The following NFIA variants were observed in gnomAD, a reference collection of about 807,000 sequenced individuals.
The protein encoded by NFIA is nuclear factor 1 A-type.
Under a neutral mutation model 62.8 loss-of-function variants are expected in NFIA, and 8 were observed. That is an observed-to-expected ratio of 0.13 (90% CI 0.07 to 0.23). NFIA has a LOEUF of 0.23. Among genes scored for constraint, NFIA ranks in the 10% least tolerant of loss-of-function variants. NFIA has a pLI of 1.00. For synonymous variants in NFIA, 235 were observed against 238.1 expected, an observed-to-expected ratio of 0.99 and a Z score of 0.12; for missense variants, 410 against 642.1, an observed-to-expected ratio of 0.64 and a Z score of 3.91.
intron 7 of NFIA, among the ~76,000 whole-genome samples, chr1:61,399,147 G>T (rs1484038176): frequency 6.6e-6 from 1 of 152,136 alleles, no homozygotes; most frequent in Non-Finnish European, 1.5e-5. Context: ...AGACAGATAA[G>T]AAGGTTTTTC....
At chr1:61,117,527 C>A (rs961001471) in intron 2 of NFIA, among the ~76,000 whole-genome samples, 2 of 151,598 alleles carry the variant, frequency 1.3e-5, no homozygotes, top group African/African-American at 2.4e-5. Context: ...AATGTAGATT[C>A]CTGGATAGGC....
chr1:61,312,330 G>C (rs1660161610), intron 3 of NFIA, among the ~76,000 whole-genome samples: 1 of 152,152 alleles, frequency 6.6e-6, no homozygotes, highest in African/African-American at 2.4e-5. Flanking sequence ...TGCCCAAGGG[G>C]CCCTCAGGTA....
At chr1:61,375,198 G>C (rs1367015497) in intron 6 of NFIA, among the ~76,000 whole-genome samples, 4 of 152,212 alleles carry the variant, frequency 2.6e-5, no homozygotes, top group African/African-American at 9.6e-5. Context: ...GTATAGCTCT[G>C]CATCTGGAAG....
At chr1:61,330,329 A>G (rs763324249) in intron 3 of NFIA, among the ~76,000 whole-genome samples, 10 of 152,202 alleles carry the variant, frequency 6.6e-5, no homozygotes, top group Non-Finnish European at 1.2e-4. Flanking sequence ...TCAGGCATTA[A>G]GTATACAGTG....
intron 10 of NFIA, among the ~76,000 whole-genome samples, chr1:61,437,942 G>A (rs543854529): frequency 3.5e-4 from 53 of 152,294 alleles, no homozygotes; most frequent in Non-Finnish European, 5.0e-4. Context: ...TCCAAGGGTA[G>A]TAAAGCACTT....
intron 10 of NFIA, among the ~76,000 whole-genome samples, chr1:61,445,382 T>C (rs1359455821): frequency 6.6e-6 from 1 of 152,224 alleles, no homozygotes; most frequent in Non-Finnish European, 1.5e-5. Context: ...TCTAATTGTT[T>C]GTAGCAACGA....
chr1:61,197,665 G>T (rs1446106645), intron 2 of NFIA, among the ~76,000 whole-genome samples: 1 of 152,068 alleles, frequency 6.6e-6, no homozygotes, highest in Admixed American at 6.6e-5. Context: ...TCAAGTTACT[G>T]TGAGTCAAGG....
intron 3 of NFIA, among the ~76,000 whole-genome samples, chr1:61,330,079 T>C (rs1388871189): frequency 6.6e-6 from 1 of 152,178 alleles, no homozygotes; most frequent in African/African-American, 2.4e-5. Context: ...CATTGAAATA[T>C]GGAATTCAAA....
chr1:61,362,345 T>C (rs1663342490), intron 6 of NFIA, among the ~76,000 whole-genome samples: 1 of 152,148 alleles, frequency 6.6e-6, no homozygotes. Flanking sequence ...GTTGCCTACA[T>C]TTGGGATAAT....
chr1:61,134,162 G>A (rs1367030542), intron 2 of NFIA, among the ~76,000 whole-genome samples: 3 of 151,856 alleles, frequency 2.0e-5, no homozygotes, highest in South Asian at 2.1e-4. Flanking sequence ...TGCCTTTTGT[G>A]GGTTTTTTTG....
Position 61,332,590 on chromosome 1 carries a change from A to C in NFIA, c.700+4A>C. On this transcript the variant is annotated splice_donor_region_variant and intron_variant, in intron 4 of 10. Transcript: ENST00000403491. ...GAGCTAGTAAGAGTGTCACAGAGTA[A>C]GTATAATTTTGCTTTGATTTGGTAC... 1 of 1,613,476 alleles carries C rather than the reference A, an allele frequency of 6.2e-7. No individual in the cohort carries two copies. Among genetic ancestry groups the C allele is most frequent in the Non-Finnish European group, 8.5e-7 (1 of 1,179,544 alleles).
intron 6 of NFIA, among the ~76,000 whole-genome samples, chr1:61,382,655 G>A (rs998310131): frequency 1.9e-4 from 29 of 152,008 alleles, no homozygotes; most frequent in Non-Finnish European, 7.4e-5. Context: ...GCTTACATTG[G>A]TTATACCATA....
chr1:61,453,453 T>C (rs1225427779), intron 10 of NFIA, among the ~76,000 whole-genome samples: 1 of 147,234 alleles, frequency 6.8e-6, no homozygotes, highest in East Asian at 2.0e-4. Context: ...CTTTTTTTTT[T>C]TTTTTTTTTT....
chr1:61,253,173 T>C (rs1018223138), intron 2 of NFIA, among the ~76,000 whole-genome samples: 7 of 152,108 alleles, frequency 4.6e-5, no homozygotes, highest in African/African-American at 1.4e-4. Flanking sequence ...GTCCCAAAAG[T>C]TGGACAGAAC....
intron 2 of NFIA, among the ~76,000 whole-genome samples, chr1:61,225,332 C>T (rs932233878): frequency 3.5e-4 from 53 of 151,814 alleles, no homozygotes; most frequent in African/African-American, 1.2e-3. Context: ...CTCACTGCAA[C>T]CTCTGCCTCC....
At chr1:61,312,922 A>G (rs6658608) in intron 3 of NFIA, among the ~76,000 whole-genome samples, 16,490 of 152,228 alleles carry the variant, frequency 0.11, 1,281 homozygotes, top group East Asian at 0.33. Flanking sequence ...TCTGTCCCAC[A>G]CCTTTTACTT....
At chr1:61,223,313 A>G (rs1231255576) in intron 2 of NFIA, among the ~76,000 whole-genome samples, 1 of 152,074 alleles carries the variant, frequency 6.6e-6, no homozygotes, top group Non-Finnish European at 1.5e-5. Flanking sequence ...GCAAATGTTT[A>G]CCAGGAAAAT....
chr1:61,321,627 A>T (rs1262687808), intron 3 of NFIA, among the ~76,000 whole-genome samples: 1 of 152,088 alleles, frequency 6.6e-6, no homozygotes, highest in Non-Finnish European at 1.5e-5. Flanking sequence ...ATATTCAGGG[A>T]AATATGATTT....
In NFIA at chr1:61,353,641, G is replaced by T. The variant is rs115170186; in HGVS notation, c.818+1074G>T. 1.0e-2 allele frequency among the ~76,000 whole-genome samples: 1,516 copies of T among 152,050 alleles called. 33 individuals are homozygous for T. Among genetic ancestry groups the T allele is most frequent in the African/African-American group, 0.035 (1,466 of 41,460 alleles). ...TAGAACTTTTCCTTGGTGCACACTC[G>T]TTCTTACCTTGCCTTTATATATTTT... On this transcript the variant is annotated intron_variant, in intron 5 of 10. Transcript: ENST00000403491.
Sources: allele counts gnomAD v4.1 joint callset (sites outside exome capture counted in the v4.1 genomes callset), GRCh38; gene constraint gnomAD v4.1.1; transcripts MANE v1.5; gene names NCBI Gene and HGNC (gene_info 2026-07-23, HGNC 2026-07-21).